The following ADGRL1 variants were observed in gnomAD, a reference collection of about 807,000 sequenced individuals.
The protein encoded by ADGRL1 is CIRL-1.
Under a neutral mutation model 148.9 loss-of-function variants are expected in ADGRL1, and 31 were observed. The observed-to-expected ratio is 0.21, with a 90% CI of 0.16 to 0.28. ADGRL1 has a LOEUF of 0.28. ADGRL1 is among the 10% of genes least tolerant of loss of function. The pLI is 1.00. For synonymous variants in ADGRL1, 937 were observed against 900.3 expected (o/e 1.04, Z -0.73); for missense variants, 1,521 against 2,058.8 (o/e 0.74, Z 5.05).
chr19:14,151,309 C>T lies in ADGRL1; in HGVS notation c.3974G>A (p.Arg1325Gln), dbSNP rs779046176. ...CTTATAGAGAAGTTCAATCTCGGCC[C>T]GGTCAGCACCCCCGGGCCCGCCCGC... is the stretch of plus-strand genomic sequence containing the variant. ...EEAGGPGGAD[R>Q]AEIELLYKAL... Residue 1325 changes from arginine (R) to glutamine (Q), a missense_variant, in exon 23 of 23, where the codon CGG (arginine) becomes CAG (glutamine). Physicochemically the swap from Arg to Gln is conservative, Grantham distance 43. Transcript: ENST00000361434. 23 of 1,601,904 alleles carry T rather than the reference C, an allele frequency of 1.4e-5. No individual in the cohort carries two copies. The highest frequency in any genetic ancestry group is 1.7e-4 in the Middle Eastern group (1 of 5,980).
intron 1 of ADGRL1, among the ~76,000 whole-genome samples, chr19:14,196,398 T>G (rs1972267187): frequency 6.6e-6 from 1 of 152,198 alleles, no homozygotes. Flanking sequence ...GAGGGCTGAT[T>G]GCTTGGGCTC....
rs370477888 is a variant in ADGRL1, at chr19:14,183,560, C to T, written c.43G>A (p.Ala15Thr). Residue 15 changes from alanine (A) to threonine (T), a missense_variant, in exon 2 of 23, where the codon GCC (alanine) becomes ACC (threonine). Coordinates refer to ENST00000361434, the MANE Select transcript of ADGRL1 (RefSeq NM_014921.5). ...AAVLWNLCVTAVLVTSATQGL... is the reference protein window; with the variant it reads ...AAVLWNLCVTTVLVTSATQGL... ...TGGGTGGCCGAGGTGACCAGGACGGCGGTGACACACAGATTCCAGAGCACT... is the reference window on the plus strand; with the variant it reads ...TGGGTGGCCGAGGTGACCAGGACGGTGGTGACACACAGATTCCAGAGCACT... 1.3e-5 allele frequency: 21 copies of T among 1,583,644 alleles called. No individual in the cohort carries two copies. The highest frequency in any genetic ancestry group is 1.1e-4 in the African/African-American group (8 of 74,400).
chr19:14,204,762 G>T (rs1413104839), intron 1 of ADGRL1, among the ~76,000 whole-genome samples: 1 of 151,752 alleles, frequency 6.6e-6, no homozygotes, highest in Non-Finnish European at 1.5e-5. Flanking sequence ...GAGAGAGAGC[G>T]CGCGAGCCAG....
At position 14,151,603 on chromosome 19, in the gene ADGRL1, C is replaced by T. The variant is rs1363554800; in HGVS notation, c.3680G>A (p.Gly1227Glu). The T allele has an allele frequency of 7.5e-6, 12 of 1,600,500 alleles. No individual in the cohort carries two copies. The highest frequency in any genetic ancestry group is 1.0e-5 in the Non-Finnish European group (12 of 1,177,534). Reference sequence around the variant, plus strand: ...GTCCATGCCACAGGCTTCCCGGCCTCCCAAGGGGTGCTCTGCAGGGCAGAA... The same window carrying T: ...GTCCATGCCACAGGCTTCCCGGCCTTCCAAGGGGTGCTCTGCAGGGCAGAA... ...GSYREPKHPL[G>E]GREACGMDTL... The change falls in exon 23 of 23, where the codon GGA becomes GAA. Residue 1227 changes from glycine (G) to glutamate (E), a missense_variant. By Grantham distance (98) the Gly-to-Glu change is moderately conservative. Coordinates refer to ENST00000361434, the MANE Select transcript of ADGRL1 (RefSeq NM_014921.5).
chr19:14,196,596 G>A (rs1180509577), intron 1 of ADGRL1, among the ~76,000 whole-genome samples: 1 of 152,076 alleles, frequency 6.6e-6, no homozygotes, highest in African/African-American at 2.4e-5. Flanking sequence ...CTCTAGCTTG[G>A]GCAACAGAGC....
At chr19:14,184,639 TTTA>T (rs978145512) in intron 1 of ADGRL1, among the ~76,000 whole-genome samples, 9 of 122,848 alleles carry the variant, frequency 7.3e-5, no homozygotes, top group East Asian at 2.1e-4. Flanking sequence ...TATTTATTTA[TTTA>T]TTTATTTTTT....
Position 14,160,475 on chromosome 19 carries a change from C to T in ADGRL1, c.1614+118G>A. 2 of 937,178 alleles carry T rather than the reference C, an allele frequency of 2.1e-6. No individual in the cohort carries two copies. The highest frequency in any genetic ancestry group is 3.2e-6 in the Non-Finnish European group (2 of 631,500). The allele number at this position is 937,178 out of a possible 1,614,324, so 58.1% of individuals were successfully genotyped here. The stretch of plus-strand genomic sequence containing the variant: ...TTTGTAGGCCAGGGAGGTGACCCCA[C>T]AGTCCTGCCTTCCAGACCTGCCAGC... On this transcript the variant is annotated intron_variant, in intron 7 of 22. Coordinates refer to ENST00000361434, the MANE Select transcript of ADGRL1 (RefSeq NM_014921.5). This position sits in a 1 kb window ranked among gnomAD's most constrained non-coding sequence, Gnocchi z 5.9.
intron 1 of ADGRL1, among the ~76,000 whole-genome samples, chr19:14,193,934 A>G (rs1228431110): frequency 6.6e-6 from 1 of 152,222 alleles, no homozygotes; most frequent in Admixed American, 6.5e-5. Context: ...TCCAACCTCC[A>G]GAGCTGGGAG....
intron 2 of ADGRL1, 62 bp downstream of exon 2, chr19:14,183,471 T>C: frequency 2.3e-6 from 3 of 1,328,522 alleles, no homozygotes; most frequent in Non-Finnish European, 2.0e-6. Context: ...TTCAACATTT[T>C]ATCTGCCCCC....
At position 14,183,217 on chromosome 19, in the gene ADGRL1, G is replaced by GAGAGA. The variant is rs1971335341; in HGVS notation, c.70+315_70+316insTCTCT. On this transcript the variant is annotated intron_variant, in intron 2 of 22. Coordinates refer to ENST00000361434, the MANE Select transcript of ADGRL1 (RefSeq NM_014921.5). ...ACAGAGAGAGAGAGAGAGAGAGAGAGCGAGAGAGAGACAGAGAGAGGAGCA... is the reference window on the plus strand; with the variant it reads ...ACAGAGAGAGAGAGAGAGAGAGAGAGAGAGACGAGAGAGAGACAGAGAGAGGAGCA... 4.0e-5 allele frequency among the ~76,000 whole-genome samples: 6 copies of GAGAGA among 150,888 alleles called. No individual in the cohort carries two copies. The East Asian group carries it at 5.8e-4, about 15-fold the overall frequency.
intron 3 of ADGRL1, among the ~76,000 whole-genome samples, chr19:14,175,574 A>G (rs918836695): frequency 2.0e-5 from 3 of 151,944 alleles, no homozygotes; most frequent in African/African-American, 7.3e-5. Context: ...ACATCCACCC[A>G]CCCAGATACA....
intron 1 of ADGRL1, among the ~76,000 whole-genome samples, chr19:14,204,708 G>C (rs1475862518): frequency 2.8e-5 from 2 of 70,482 alleles, no homozygotes; most frequent in Non-Finnish European, 5.6e-5. Flanking sequence ...GAAAGACAGA[G>C]AGAGTGAGAG....
rs1599392631 is a variant in ADGRL1 at position 14,155,567 on chromosome 19, A to C, written c.3126-40T>G. 1 of 1,607,158 alleles carries C rather than the reference A, an allele frequency of 6.2e-7. No individual in the cohort carries two copies. The highest frequency in any genetic ancestry group is 2.2e-5 in the East Asian group (1 of 44,800). On this transcript the variant is annotated intron_variant, in intron 17 of 22. Transcript: ENST00000361434. The surrounding 1 kb of genome is among the most constrained non-coding windows in gnomAD (Gnocchi z 5.0). ...ACAGGGGAGTCAAAGTACCCGCCGG[A>C]GGGGACGGCCTCAGCCCAGGCCTCC...
intron 18 of ADGRL1, among the ~76,000 whole-genome samples, chr19:14,153,946 T>A (rs1968473406): frequency 6.7e-6 from 1 of 149,754 alleles, no homozygotes; most frequent in African/African-American, 2.5e-5. Flanking sequence ...GTCTCAAAAA[T>A]AATAATGATA....
At chr19:14,177,840 G>A (rs1970930955) in intron 2 of ADGRL1, 96 bp from the exon 3 acceptor site, 4 of 1,161,572 alleles carry the variant, frequency 3.4e-6, no homozygotes, top group Admixed American at 4.6e-5. Context: ...TGGCTCGGCT[G>A]TGTCCTGGAA....
intron 4 of ADGRL1, chr19:14,164,844 T>A (rs941427631): frequency 6.6e-6 from 1 of 151,914 alleles, no homozygotes; most frequent in African/African-American, 2.4e-5. Context: ...ACACCCCACC[T>A]CCTCCCAGAG....
chr19:14,170,911 C>T (rs918425310), intron 3 of ADGRL1, 120 bp from the exon 4 acceptor site: 2 of 619,838 alleles, frequency 3.2e-6, no homozygotes, highest in Non-Finnish European at 5.9e-6. Flanking sequence ...GGCAGTGGAG[C>T]TGGAAACCAA....
At chr19:14,182,453 A>T (rs531235312) in intron 2 of ADGRL1, among the ~76,000 whole-genome samples, 1 of 151,960 alleles carries the variant, frequency 6.6e-6, no homozygotes, top group South Asian at 2.1e-4. Context: ...CTGCTGTACG[A>T]GGTTTCGGGA....
rs778782610 is a variant in ADGRL1 at position 14,159,354 on chromosome 19, G to A, written c.2023+47C>T. On this transcript the variant is annotated intron_variant, in intron 10 of 22. Coordinates refer to ENST00000361434, the MANE Select transcript of ADGRL1 (RefSeq NM_014921.5). The surrounding 1 kb of genome is among the most constrained non-coding windows in gnomAD (Gnocchi z 6.0). ...GTGGCCTCCAGGCCAGAACCCCGTGGTTTAAGGTTCGTATCTGAGTTTGCC... is the reference window on the plus strand; with the variant it reads ...GTGGCCTCCAGGCCAGAACCCCGTGATTTAAGGTTCGTATCTGAGTTTGCC... 21 of 1,577,708 alleles carry A rather than the reference G, an allele frequency of 1.3e-5. No individual in the cohort carries two copies. The Admixed American group carries it at 2.9e-4, about 22-fold the overall frequency.
Sources: gnomAD v4.1 joint callset for allele counts (sites outside exome capture counted in the v4.1 genomes callset) on GRCh38, gnomAD v4.1.1 for gene constraint, Gnocchi (gnomAD v3.1) non-coding constraint, MANE v1.5 for transcripts, NCBI Gene and HGNC (gene_info 2026-07-23, HGNC 2026-07-21) for gene names.